PARD3B: variants seen among roughly 807,000 people sequenced by gnomAD.
PARD3B encodes the protein partitioning defective 3 homolog B.
In PARD3B, 103 loss-of-function variants were observed where a neutral mutation model predicts 130.2. The ratio of observed to expected loss-of-function variants is 0.79; its 90% CI spans 0.67 to 0.93. The LOEUF is 0.93. PARD3B is among the 40% of genes least tolerant of loss of function. The pLI, the probability that PARD3B is intolerant of heterozygous loss-of-function variation, is 0.00. For missense variants in PARD3B, 1,609 were observed against 1,499.2 expected (o/e 1.07, Z -1.21); for synonymous variants, 583 against 553.2 (o/e 1.05, Z -0.76).
intron 18 of PARD3B, among the ~76,000 whole-genome samples, chr2:205,381,806 A>T (rs962152427): frequency 3.9e-5 from 6 of 152,070 alleles, no homozygotes; most frequent in African/African-American, 1.4e-4. Context: ...GCAGTTAATG[A>T]GTAGGAAAGG....
At chr2:205,450,356 C>T (rs932654677) in intron 20 of PARD3B, among the ~76,000 whole-genome samples, 1 of 151,784 alleles carries the variant, frequency 6.6e-6, no homozygotes, top group African/African-American at 2.4e-5. Context: ...TTCCTAGCTC[C>T]AGCCTCAACT....
At chr2:204,875,962 G>A (rs147502784) in intron 2 of PARD3B, among the ~76,000 whole-genome samples, 4 of 152,274 alleles carry the variant, frequency 2.6e-5, no homozygotes, top group African/African-American at 9.6e-5. Flanking sequence ...TCTTTGCAGG[G>A]TCTTGCCTCA....
chr2:205,081,945 T>C (rs535608554), intron 4 of PARD3B, among the ~76,000 whole-genome samples: 2 of 152,282 alleles, frequency 1.3e-5, no homozygotes, highest in Admixed American at 1.3e-4. Flanking sequence ...AAAGAGTCTT[T>C]GTAGGACTAG....
At chr2:205,109,900 C>T (rs1049266185) in intron 5 of PARD3B, among the ~76,000 whole-genome samples, 9 of 152,104 alleles carry the variant, frequency 5.9e-5, no homozygotes, top group East Asian at 1.9e-4. Context: ...GTGATCTGCC[C>T]GCCTTGGCCT....
chr2:204,642,740 G>A (rs2035120981), intron 1 of PARD3B, among the ~76,000 whole-genome samples: 1 of 151,958 alleles, frequency 6.6e-6, no homozygotes, highest in Non-Finnish European at 1.5e-5. Flanking sequence ...GAGGGGCCTG[G>A]TGGGAGGTGA....
rs777595319 is a variant in PARD3B at position 205,276,383 on chromosome 2, T to C, written c.2186-24147T>C. The stretch of plus-strand genomic sequence containing the variant: ...TTCCTTGGTATTTATACAGCATTTG[T>C]GGTATTTTCCTCCTTTCTTTTCTTA... On this transcript the variant is annotated intron_variant, in intron 16 of 22. Transcript: ENST00000406610. The surrounding 1 kb of genome is among the most constrained non-coding windows in gnomAD (Gnocchi z 5.0). Among the ~76,000 whole-genome samples the C allele has an allele frequency of 2.0e-5, 3 of 152,318 alleles. 1 individual carries two copies. The South Asian group carries it at 6.2e-4, about 32-fold the overall frequency.
chr2:204,969,670 G>A (rs1391166268), intron 3 of PARD3B, among the ~76,000 whole-genome samples: 1 of 152,150 alleles, frequency 6.6e-6, no homozygotes, highest in Non-Finnish European at 1.5e-5. Context: ...TGCTTGTTCA[G>A]TTGCATGACT....
chr2:205,556,596 G>A lies in PARD3B; in HGVS notation c.3260+3193G>A, dbSNP rs1288515276. 2.0e-5 allele frequency among the ~76,000 whole-genome samples: 3 copies of A among 152,204 alleles called. No homozygotes were observed. The East Asian group carries it at 5.8e-4, about 29-fold the overall frequency. On this transcript the variant is annotated intron_variant, in intron 22 of 22. Coordinates refer to ENST00000406610, the MANE Select transcript of PARD3B (RefSeq NM_001302769.2). ...ATGTTAAGTGTTATTGTTAAGCAAT[G>A]TTAAATCTCCTGCCTCCTAAGAAAA...
At chr2:205,037,678 TA>T in intron 3 of PARD3B, among the ~76,000 whole-genome samples, 1 of 51,020 alleles carries the variant, frequency 2.0e-5, no homozygotes, top group South Asian at 1.1e-3. Context: ...TATAGTGGAC[TA>T]TATATATATA....
intron 1 of PARD3B, among the ~76,000 whole-genome samples, chr2:204,640,927 A>G (rs2035054712): frequency 6.8e-6 from 1 of 148,020 alleles, no homozygotes; most frequent in Non-Finnish European, 1.5e-5. Context: ...TACTATATAT[A>G]ATGTATATTT....
intron 1 of PARD3B, among the ~76,000 whole-genome samples, chr2:204,679,852 A>G (rs2036738467): frequency 6.6e-6 from 1 of 151,820 alleles, no homozygotes; most frequent in Admixed American, 6.6e-5. Context: ...ACTTAGGTTG[A>G]TTTTTGACTT....
At chr2:205,574,496 C>A (rs915042773) in intron 22 of PARD3B, among the ~76,000 whole-genome samples, 1 of 152,144 alleles carries the variant, frequency 6.6e-6, no homozygotes, top group African/African-American at 2.4e-5. Context: ...TTCCACCATA[C>A]ACCATAGTGA....
At chr2:205,499,617 T>G (rs2050082341) in intron 20 of PARD3B, among the ~76,000 whole-genome samples, 1 of 152,154 alleles carries the variant, frequency 6.6e-6, no homozygotes, top group Non-Finnish European at 1.5e-5. Flanking sequence ...TGGTGGGCCT[T>G]TTAATTGCTC....
At chr2:205,126,797 G>A (rs908694736) in intron 10 of PARD3B, among the ~76,000 whole-genome samples, 3 of 132,370 alleles carry the variant, frequency 2.3e-5, no homozygotes, top group Non-Finnish European at 3.1e-5. Context: ...ATTGATAATA[G>A]CATGAGAAAA....
intron 2 of PARD3B, among the ~76,000 whole-genome samples, chr2:204,918,446 C>T (rs1272630075): frequency 1.3e-5 from 2 of 151,788 alleles, no homozygotes; most frequent in East Asian, 3.9e-4. Context: ...CCGGCTAAAA[C>T]GGTGAAACCC....
At chr2:205,379,049 G>A (rs2045198258) in intron 18 of PARD3B, among the ~76,000 whole-genome samples, 1 of 151,816 alleles carries the variant, frequency 6.6e-6, no homozygotes, top group Admixed American at 6.6e-5. Context: ...GAATCAGGAA[G>A]CCACGAAAAA....
In PARD3B at chr2:205,616,056, T is replaced by C; in HGVS notation, c.*243T>C. On this transcript the variant is annotated 3_prime_UTR_variant, in exon 23 of 23. Transcript: ENST00000406610. ...CTATAAAAACAAAACTACCTGATAG[T>C]TGAAACGCTTTCAGAGTTGTTCAAA... 2.0e-6 allele frequency: 1 copy of C among 508,574 alleles called. No homozygotes were observed. Among genetic ancestry groups the C allele is most frequent in the African/African-American group, 1.9e-5 (1 of 52,072 alleles). 31.5% of individuals were successfully genotyped at this position (508,574 alleles called of 1,614,324 possible).
rs1445192249 is a variant in PARD3B, at chr2:205,458,938, G to C, written c.3044+18266G>C. ...GGATTTTAGTTATGTGAGGGGTAGT[G>C]TATTAGTTTACTCTTACTCCTAGAG... On this transcript the variant is annotated intron_variant, in intron 20 of 22. Coordinates refer to ENST00000406610, the MANE Select transcript of PARD3B (RefSeq NM_001302769.2). The surrounding 1 kb of genome is among the most constrained non-coding windows in gnomAD (Gnocchi z 4.8). Among the ~76,000 whole-genome samples the C allele has an allele frequency of 1.3e-5, 2 of 152,162 alleles. No individual in the cohort carries two copies. Among genetic ancestry groups the C allele is most frequent in the South Asian group, 4.1e-4 (2 of 4,832 alleles).
At chr2:204,975,937 A>G (rs1197586402) in intron 3 of PARD3B, among the ~76,000 whole-genome samples, 2 of 152,176 alleles carry the variant, frequency 1.3e-5, no homozygotes, top group Non-Finnish European at 2.9e-5. Flanking sequence ...TAAAAACTTA[A>G]ATTTATTTAA....
Sources: gnomAD v4.1 joint callset for allele counts (sites outside exome capture counted in the v4.1 genomes callset) on GRCh38, gnomAD v4.1.1 for gene constraint, Gnocchi (gnomAD v3.1) non-coding constraint, MANE v1.5 for transcripts, NCBI Gene and HGNC (gene_info 2026-07-23, HGNC 2026-07-21) for gene names.